Variants in CDYL2 observed in about 807,000 individuals in gnomAD.
CDYL2 encodes chromodomain Y-like protein 2.
Under a neutral mutation model 49.4 loss-of-function variants are expected in CDYL2, and 23 were observed. The ratio of observed to expected loss-of-function variants is 0.47; its 90% CI spans 0.34 to 0.66. The LOEUF is 0.66. Ranked by LOEUF, CDYL2 falls within the 30% of genes least tolerant of loss-of-function variation. The pLI is 0.01. For missense variants in CDYL2, 678 were observed against 656.4 expected (o/e 1.03, Z -0.36); for synonymous variants, 360 against 268.8 (o/e 1.34, Z -3.32).
chr16:80,804,078 CCCCGCCGCCCGCCGCCGCCG>C (rs1274041017), intron 1 of CDYL2, 52 bp downstream of exon 1: 41 of 955,176 alleles, frequency 4.3e-5, no homozygotes, highest in South Asian at 9.3e-5. Flanking sequence ...CCGGCCCGGT[CCCCGCCGCCCGCCGCCGCCG>C]CCCGCCGCCG....
chr16:80,686,875 T>C (rs765631933), intron 1 of CDYL2, among the ~76,000 whole-genome samples: 1 of 152,360 alleles, frequency 6.6e-6, no homozygotes, highest in African/African-American at 2.4e-5. Context: ...TCAAAATTTG[T>C]TTCCTTATTA....
intron 1 of CDYL2, among the ~76,000 whole-genome samples, chr16:80,758,623 A>G (rs1052172958): frequency 6.6e-6 from 1 of 150,754 alleles, no homozygotes; most frequent in African/African-American, 2.4e-5. Flanking sequence ...GCTCACTGCA[A>G]GCTCTGCCTC....
intron 1 of CDYL2, among the ~76,000 whole-genome samples, chr16:80,770,466 T>A (rs920148088): frequency 6.6e-6 from 1 of 152,236 alleles, no homozygotes; most frequent in Non-Finnish European, 1.5e-5. Flanking sequence ...ATATTGTATG[T>A]AGAAAAACAA....
chr16:80,766,114 G>C (rs1474439859), intron 1 of CDYL2, among the ~76,000 whole-genome samples: 1 of 151,926 alleles, frequency 6.6e-6, no homozygotes, highest in Non-Finnish European at 1.5e-5. Flanking sequence ...ACAGCTAATG[G>C]ATAGAGGTGT....
At chr16:80,748,140 T>TAATAAG (rs1332295505) in intron 1 of CDYL2, among the ~76,000 whole-genome samples, 3 of 139,008 alleles carry the variant, frequency 2.2e-5, no homozygotes, top group Non-Finnish European at 4.7e-5. Context: ...ATAATAATAA[T>TAATAAG]AATAATAATA....
intron 1 of CDYL2, among the ~76,000 whole-genome samples, chr16:80,703,434 C>G (rs886216677): frequency 6.6e-6 from 1 of 152,096 alleles, no homozygotes; most frequent in Non-Finnish European, 1.5e-5. Flanking sequence ...CAGGCTTATC[C>G]CCAGATTCAG....
chr16:80,673,349 A>T (rs1419059850), intron 2 of CDYL2, among the ~76,000 whole-genome samples: 1 of 152,168 alleles, frequency 6.6e-6, no homozygotes, highest in Non-Finnish European at 1.5e-5. Flanking sequence ...ATTTTAAAAA[A>T]ATCAACAAGT....
chr16:80,665,231 T>G (rs1012551878), intron 2 of CDYL2, among the ~76,000 whole-genome samples: 2 of 152,154 alleles, frequency 1.3e-5, no homozygotes, highest in African/African-American at 4.8e-5. Flanking sequence ...CTGATCAAGC[T>G]CCATGCATCC....
chr16:80,620,854 C>T lies in CDYL2; in HGVS notation c.916G>A (p.Val306Met), dbSNP rs778486733. 5.6e-6 allele frequency: 9 copies of T among 1,613,556 alleles called. No homozygotes were observed. Among genetic ancestry groups the T allele is most frequent in the Middle Eastern group, 1.7e-4 (1 of 6,052 alleles). The change falls in exon 4 of 7, where the codon GTG becomes ATG. Residue 306 changes from valine to methionine, a missense_variant. Coordinates refer to ENST00000570137, the MANE Select transcript of CDYL2 (RefSeq NM_152342.4). ...GAATAATCCAGGCCGCTGCAGAACA[C>T]GCTCCCCACTGCGCTGAGGAGCAGC... ...KLLLLSAVGS[V>M]FCSGLDYSYL...
intron 1 of CDYL2, among the ~76,000 whole-genome samples, chr16:80,754,995 C>T (rs1047043760): frequency 1.3e-5 from 2 of 152,120 alleles, no homozygotes; most frequent in Admixed American, 6.5e-5. Flanking sequence ...CCAACAAAGC[C>T]TGCCCTTCAG....
chr16:80,766,906 C>G (rs978108860), intron 1 of CDYL2, among the ~76,000 whole-genome samples: 8 of 152,202 alleles, frequency 5.3e-5, no homozygotes, highest in African/African-American at 1.9e-4. Flanking sequence ...CTGGTTTTTA[C>G]AAATACTGAC....
intron 2 of CDYL2, among the ~76,000 whole-genome samples, chr16:80,633,722 C>G (rs1367537382): frequency 6.6e-6 from 1 of 152,084 alleles, no homozygotes; most frequent in Non-Finnish European, 1.5e-5. Context: ...TGGGACCCCC[C>G]TAGGGCTTCC....
At chr16:80,640,886 T>C (rs1349063792) in intron 2 of CDYL2, among the ~76,000 whole-genome samples, 1 of 152,060 alleles carries the variant, frequency 6.6e-6, no homozygotes, top group Admixed American at 6.5e-5. Flanking sequence ...ACAGGCTATT[T>C]GAAAATATAT....
At chr16:80,624,652 A>C (rs1307778884) in intron 3 of CDYL2, among the ~76,000 whole-genome samples, 1 of 152,272 alleles carries the variant, frequency 6.6e-6, no homozygotes, top group East Asian at 1.9e-4. Context: ...CATGACTTCA[A>C]GTAATACAAG....
intron 2 of CDYL2, among the ~76,000 whole-genome samples, chr16:80,636,871 C>T (rs1202887390): frequency 6.6e-6 from 1 of 152,088 alleles, no homozygotes; most frequent in African/African-American, 2.4e-5. Flanking sequence ...TACTATGCAG[C>T]CATAAAAAAG....
At chr16:80,801,605 G>C (rs770477850) in intron 1 of CDYL2, among the ~76,000 whole-genome samples, 19 of 152,218 alleles carry the variant, frequency 1.2e-4, no homozygotes, top group African/African-American at 4.3e-4. Flanking sequence ...TAGAGATTGC[G>C]AGAAGCCATT....
At chr16:80,803,581 C>G in intron 1 of CDYL2, among the ~76,000 whole-genome samples, 1 of 148,404 alleles carries the variant, frequency 6.7e-6, no homozygotes, top group East Asian at 2.1e-4. Flanking sequence ...CGGTTGTCCC[C>G]CCGAACCCCC....
At chr16:80,706,271 G>C (rs1052030341) in intron 1 of CDYL2, among the ~76,000 whole-genome samples, 1 of 152,214 alleles carries the variant, frequency 6.6e-6, no homozygotes, top group Non-Finnish European at 1.5e-5. Flanking sequence ...CAACAGGTTT[G>C]TGAAAAATGA....
At chr16:80,663,252 G>C (rs2123284) in intron 2 of CDYL2, among the ~76,000 whole-genome samples, 72,059 of 150,296 alleles carry the variant, frequency 0.48, 18,907 homozygotes, top group African/African-American at 0.68. Context: ...TTCAGCTTGA[G>C]CACTTCCGGT....
Sources: allele counts gnomAD v4.1 joint callset (sites outside exome capture counted in the v4.1 genomes callset), GRCh38; gene constraint gnomAD v4.1.1; transcripts MANE v1.5; gene names NCBI Gene and HGNC (gene_info 2026-07-23, HGNC 2026-07-21).